CHAF1B: variants seen among roughly 807,000 people sequenced by gnomAD.
The protein encoded by CHAF1B is chromatin assembly factor 1 subunit B.
CHAF1B carries 10 observed loss-of-function variants against 60.7 expected under a neutral mutation model. That is an observed-to-expected ratio of 0.16 (90% CI 0.10 to 0.28). The LOEUF is 0.28. Among genes scored for constraint, CHAF1B ranks in the 10% least tolerant of loss-of-function variants. CHAF1B has a pLI of 1.00. For synonymous variants in CHAF1B, 261 were observed against 266.1 expected (o/e 0.98, Z 0.19); for missense variants, 558 against 708.4 (o/e 0.79, Z 2.41).
At chr21:36,392,069 G>A (rs1445029801) in intron 4 of CHAF1B, among the ~76,000 whole-genome samples, 1 of 151,952 alleles carries the variant, frequency 6.6e-6, no homozygotes, top group Non-Finnish European at 1.5e-5. Context: ...AGAGGACCCA[G>A]TGGCCTTCCG....
chr21:36,402,465 T>G (rs959430885), intron 7 of CHAF1B, among the ~76,000 whole-genome samples: 4 of 152,318 alleles, frequency 2.6e-5, no homozygotes, highest in Non-Finnish European at 5.9e-5. Context: ...AAAAATAATT[T>G]TAGAACCACA....
intron 7 of CHAF1B, among the ~76,000 whole-genome samples, chr21:36,402,202 C>T (rs992526963): frequency 2.8e-4 from 43 of 152,024 alleles, no homozygotes; most frequent in Non-Finnish European, 5.0e-4. Flanking sequence ...GCCTGTAGTC[C>T]CAGGAGGCTG....
intron 8 of CHAF1B, among the ~76,000 whole-genome samples, chr21:36,406,981 A>AT (rs1188088142): frequency 1.3e-5 from 2 of 152,200 alleles, no homozygotes; most frequent in African/African-American, 4.8e-5. Flanking sequence ...ATAGGAGGAC[A>AT]TTCTAGGAAT....
intron 3 of CHAF1B, among the ~76,000 whole-genome samples, chr21:36,389,759 A>ATATGTGTGTGTGTGTGTGTG (rs1491586590): frequency 1.6e-5 from 2 of 125,812 alleles, no homozygotes; most frequent in African/African-American, 6.7e-5. Flanking sequence ...GCATGAAGGG[A>ATATGTGTGTGTGTGTGTGTG]TGTGTGTGTG....
At position 36,387,808 on chromosome 21, in the gene CHAF1B, G is replaced by C. The variant is rs959773752; in HGVS notation, c.259+78G>C. 4.9e-6 allele frequency: 7 copies of C among 1,425,336 alleles called. No homozygotes were observed. The African/African-American group carries it at 8.7e-5, about 18-fold the overall frequency. The allele number at this position is 1,425,336 out of a possible 1,614,324, so 88.3% of individuals were successfully genotyped here. A position where few individuals can be genotyped will look rare whatever the true frequency, so the allele number is the denominator to read the frequency against. ...TGTCTTGTGTCAGATAGTGAGATTT[G>C]AGCTGGATATGCTTTTTTTTTTTTT... On this transcript the variant is annotated intron_variant, in intron 3 of 13. Coordinates refer to ENST00000314103, the MANE Select transcript of CHAF1B (RefSeq NM_005441.3).
At chr21:36,392,149 A>G (rs2146362050) in intron 4 of CHAF1B, among the ~76,000 whole-genome samples, 1 of 152,072 alleles carries the variant, frequency 6.6e-6, no homozygotes, top group Non-Finnish European at 1.5e-5. Flanking sequence ...GCTGCCTTCA[A>G]GCATCTGTTT....
At chr21:36,393,548 T>G (rs1369491785) in intron 4 of CHAF1B, among the ~76,000 whole-genome samples, 2 of 149,986 alleles carry the variant, frequency 1.3e-5, no homozygotes, top group African/African-American at 4.9e-5. Context: ...GCCTCCTGGG[T>G]TCAAGCGATT....
intron 9 of CHAF1B, 148 bp from the exon 10 acceptor site, chr21:36,409,226 C>T: frequency 3.5e-6 from 2 of 566,670 alleles, no homozygotes; most frequent in South Asian, 4.2e-5. Context: ...GTCTTGAACT[C>T]CTGACCTCAG....
intron 7 of CHAF1B, among the ~76,000 whole-genome samples, chr21:36,400,268 T>A (rs1054361559): frequency 6.6e-6 from 1 of 151,922 alleles, no homozygotes; most frequent in African/African-American, 2.4e-5. Flanking sequence ...TCACCTGAGG[T>A]CAGGAGTTTG....
chr21:36,404,096 C>CTT lies in CHAF1B; in HGVS notation c.757+1264_757+1265dup, dbSNP rs938306527. Among the ~76,000 whole-genome samples the CTT allele has an allele frequency of 1.2e-3, 161 of 129,716 alleles. 1 individual carries two copies. The highest frequency in any genetic ancestry group is 1.8e-3 in the African/African-American group (59 of 33,574). The allele number at this position is 129,716 out of a possible 152,430, so 85.1% of individuals were successfully genotyped here. A position where few individuals can be genotyped will look rare whatever the true frequency, so the allele number is the denominator to read the frequency against. ...TATTCACTAAACCCAGTAATAAATC[C>CTT]TTTTTTTTTTTTTTTTTTTTGAGAC... On this transcript the variant is annotated intron_variant, in intron 8 of 13. Coordinates refer to ENST00000314103, the MANE Select transcript of CHAF1B (RefSeq NM_005441.3).
At chr21:36,416,242 T>C in intron 13 of CHAF1B, 33 bp from the exon 14 acceptor site, 1 of 1,579,162 alleles carries the variant, frequency 6.3e-7, no homozygotes, top group South Asian at 1.1e-5. Context: ...ATTCTTCATT[T>C]ACTTGCCAAC....
At chr21:36,401,794 G>T (rs2086194114) in intron 7 of CHAF1B, among the ~76,000 whole-genome samples, 1 of 151,538 alleles carries the variant, frequency 6.6e-6, no homozygotes, top group Non-Finnish European at 1.5e-5. Flanking sequence ...AGGCTGGAGT[G>T]CAGTGGCACG....
chr21:36,413,338 T>A, intron 12 of CHAF1B, 23 bp downstream of exon 12: 1 of 1,528,766 alleles, frequency 6.5e-7, no homozygotes, highest in Non-Finnish European at 8.8e-7. Context: ...TGGAACAAGA[T>A]GTCATTGCAA....
intron 12 of CHAF1B, among the ~76,000 whole-genome samples, chr21:36,414,521 G>T (rs2086302814): frequency 6.6e-6 from 1 of 152,094 alleles, no homozygotes; most frequent in Admixed American, 6.5e-5. Context: ...TTCCCCTCTT[G>T]ATTTCTTCTG....
chr21:36,396,746 C>T (rs190190964), intron 5 of CHAF1B, among the ~76,000 whole-genome samples: 10 of 152,288 alleles, frequency 6.6e-5, no homozygotes, highest in Admixed American at 3.9e-4. Context: ...ATATTTTCCC[C>T]GAAGTCCCTT....
chr21:36,415,631 C>T (rs1418142041), intron 13 of CHAF1B: 1 of 524,898 alleles, frequency 1.9e-6, no homozygotes, highest in Non-Finnish European at 3.4e-6. Flanking sequence ...GCTCAGGTTT[C>T]TCCACCTGAT....
intron 3 of CHAF1B, among the ~76,000 whole-genome samples, chr21:36,390,844 C>T (rs1031212712): frequency 6.6e-6 from 1 of 152,114 alleles, no homozygotes; most frequent in South Asian, 2.1e-4. Flanking sequence ...TTAGTAGAGA[C>T]AAGGTCTTGC....
chr21:36,415,269 C>T (rs576716769), intron 12 of CHAF1B, 26 bp from the exon 13 acceptor site: 5 of 1,390,512 alleles, frequency 3.6e-6, no homozygotes, highest in Non-Finnish European at 4.1e-6. Flanking sequence ...GCCATCACCC[C>T]TCTACTTTTT....
rs60572556 is a variant in CHAF1B, at chr21:36,404,203, C to T, written c.757+1352C>T. ...GCAGCCTCCGCCTCCCAGTTTCAAGCGATTCTCCTGCCTCAGCCTCCTGAG... is the reference window on the plus strand; with the variant it reads ...GCAGCCTCCGCCTCCCAGTTTCAAGTGATTCTCCTGCCTCAGCCTCCTGAG... On this transcript the variant is annotated intron_variant, in intron 8 of 13. Transcript: ENST00000314103. Among the ~76,000 whole-genome samples the T allele has an allele frequency of 8.3e-3, 1,242 of 149,008 alleles. 10 individuals carry two copies. Among genetic ancestry groups the T allele is most frequent in the African/African-American group, 0.029 (1,175 of 40,320 alleles).
Sources: allele counts gnomAD v4.1 joint callset (sites outside exome capture counted in the v4.1 genomes callset), GRCh38; gene constraint gnomAD v4.1.1; transcripts MANE v1.5; gene names NCBI Gene and HGNC (gene_info 2026-07-23, HGNC 2026-07-21).